Variants in PLXNA4 observed in about 807,000 individuals in gnomAD.
The protein encoded by PLXNA4 is plexin A4, also known as plexin-A4.
PLXNA4 carries 44 observed loss-of-function variants against 191.8 expected under a neutral mutation model. The observed-to-expected ratio is 0.23, with a 90% confidence interval of 0.18 to 0.29. PLXNA4 has a LOEUF of 0.29. Among genes scored for constraint, PLXNA4 ranks in the 10% least tolerant of loss-of-function variants. The pLI is 1.00. For synonymous variants in PLXNA4, 1,082 were observed against 1,009.5 expected, an observed-to-expected ratio of 1.07 and a Z score of -1.36; for missense variants, 1,800 against 2,488.8, an observed-to-expected ratio of 0.72 and a Z score of 5.89.
intron 2 of PLXNA4, among the ~76,000 whole-genome samples, chr7:132,490,708 G>A (rs1797763075): frequency 6.6e-6 from 1 of 152,102 alleles, no homozygotes; most frequent in Admixed American, 6.5e-5. Context: ...TTACGGGTGT[G>A]AGCCCTTGCA....
rs189847961 is a variant in PLXNA4 at position 132,607,273 on chromosome 7, A to G, written c.-87+38655T>C. Among the ~76,000 whole-genome samples, 3 of 152,286 alleles carry G rather than the reference A, an allele frequency of 2.0e-5. No individual in the cohort carries two copies. In the East Asian group the frequency reaches 5.8e-4, roughly 29 times the overall value. On this transcript the variant is annotated intron_variant, in intron 2 of 4. Coordinates refer to the PLXNA4 transcript ENST00000378539. ...GTTTCAAATTCTAGAGAAATTGCCA[A>G]TATGGCTCAAGTTGTCTAAGGAAAA... is the stretch of plus-strand genomic sequence containing the variant.
At chr7:132,141,316 T>C (rs1427297743) in intron 29 of PLXNA4, among the ~76,000 whole-genome samples, 1 of 152,204 alleles carries the variant, frequency 6.6e-6, no homozygotes, top group African/African-American at 2.4e-5. Flanking sequence ...CCTCTCAGCC[T>C]ACTCCTACTG....
At chr7:132,394,622 G>A (rs888571815) in intron 3 of PLXNA4, among the ~76,000 whole-genome samples, 1 of 152,160 alleles carries the variant, frequency 6.6e-6, no homozygotes, top group African/African-American at 2.4e-5. Context: ...CACCTCTCTG[G>A]GCTAAGATTA....
rs560273641 is a variant in PLXNA4 at position 132,290,852 on chromosome 7, C to T, written c.1503+7239G>A. 5.9e-5 allele frequency among the ~76,000 whole-genome samples: 9 copies of T among 152,308 alleles called. No homozygotes were observed. In the South Asian group the frequency reaches 1.9e-3, roughly 32 times the overall value. On this transcript the variant is annotated intron_variant, in intron 4 of 31. Transcript: ENST00000321063. ...GAACATGGCATTTGCTGCAAGAGCT[C>T]ACAGAGGGACCCACACGTCCATGAT... is the stretch of plus-strand genomic sequence containing the variant.
intron 3 of PLXNA4, among the ~76,000 whole-genome samples, chr7:132,331,688 T>C (rs1802596741): frequency 6.6e-6 from 1 of 152,214 alleles, no homozygotes; most frequent in African/African-American, 2.4e-5. Flanking sequence ...GCTATTGCTC[T>C]CGGGCTTTCC....
rs1389489392 is a variant in PLXNA4 at position 132,576,203 on chromosome 7, C to T, written c.-87+219G>A. Among the ~76,000 whole-genome samples the T allele has an allele frequency of 1.3e-5, 2 of 152,232 alleles. No individual in the cohort carries two copies. Among genetic ancestry groups the T allele is most frequent in the Non-Finnish European group, 2.9e-5 (2 of 68,036 alleles). Reference sequence around the variant, plus strand: ...GAACACACCCGGGAAATCCCTGCTCCGGCCGCTGCACCTCCGCGGGCGTCC... The same window carrying T: ...GAACACACCCGGGAAATCCCTGCTCTGGCCGCTGCACCTCCGCGGGCGTCC... On this transcript the variant is annotated intron_variant, in intron 1 of 31. Transcript: ENST00000321063. The surrounding 1 kb of genome is among the most constrained non-coding windows in gnomAD (Gnocchi z 5.8).
intron 2 of PLXNA4, among the ~76,000 whole-genome samples, chr7:132,599,269 T>G (rs567222147): frequency 1.3e-5 from 2 of 152,322 alleles, no homozygotes; most frequent in East Asian, 3.9e-4. Context: ...TTGAGCTCTG[T>G]AAATCAACTG....
intron 1 of PLXNA4, among the ~76,000 whole-genome samples, chr7:132,563,972 TCCTCCTCCTTCTCCTCCTCCTCCTTC>T (rs1801558434): frequency 8.7e-5 from 3 of 34,388 alleles, no homozygotes; most frequent in Non-Finnish European, 2.5e-4. Flanking sequence ...TTCTTTCTCC[TCCTCCTCCTTCTCCTCCTCCTCCTTC>T]TCCTCCTCCT....
chr7:132,646,237 G>A (rs1803863440), intron 1 of PLXNA4, among the ~76,000 whole-genome samples: 1 of 151,998 alleles, frequency 6.6e-6, no homozygotes. Flanking sequence ...GAAGAGCTAC[G>A]GACTCTCTCG....
chr7:132,379,287 C>T (rs1244529188), intron 3 of PLXNA4, among the ~76,000 whole-genome samples: 4 of 152,150 alleles, frequency 2.6e-5, no homozygotes, highest in Non-Finnish European at 4.4e-5. Flanking sequence ...GGAATGGGTA[C>T]ATTAGCATCC....
chr7:132,474,214 T>TCACACACACACA lies in PLXNA4; in HGVS notation c.1371+15066_1371+15077dup, dbSNP rs56832356. 6.7e-3 allele frequency among the ~76,000 whole-genome samples: 933 copies of TCACACACACACA among 140,278 alleles called. 7 individuals are homozygous for TCACACACACACA. Among genetic ancestry groups the TCACACACACACA allele is most frequent in the Middle Eastern group, 0.019 (5 of 266 alleles). The allele number at this position is 140,278 out of a possible 152,430, so 92.0% of individuals were successfully genotyped here. On this transcript the variant is annotated intron_variant, in intron 3 of 31. Transcript: ENST00000321063. ...TGAGCCAAGATCAGATCTCTCTGTC[T>TCACACACACACA]CACACACACACACACACACACACAC...
chr7:132,305,052 G>A (rs147877858), intron 3 of PLXNA4, among the ~76,000 whole-genome samples: 14 of 152,182 alleles, frequency 9.2e-5, no homozygotes, highest in East Asian at 1.9e-4. Flanking sequence ...ACCCCTGCTC[G>A]TGGGAGGGGA....
intron 4 of PLXNA4, among the ~76,000 whole-genome samples, chr7:132,242,795 A>C (rs1256439837): frequency 6.6e-6 from 1 of 152,080 alleles, no homozygotes; most frequent in East Asian, 1.9e-4. Flanking sequence ...CCTACATATG[A>C]CCTTCCTATC....
chr7:132,167,247 G>A (rs968223581), intron 22 of PLXNA4, among the ~76,000 whole-genome samples: 3 of 152,184 alleles, frequency 2.0e-5, no homozygotes, highest in East Asian at 1.9e-4. Flanking sequence ...CCTATAAGGC[G>A]AAAGTCATAG....
intron 3 of PLXNA4, among the ~76,000 whole-genome samples, chr7:132,475,498 C>T (rs995402510): frequency 2.0e-5 from 3 of 152,162 alleles, no homozygotes; most frequent in Admixed American, 1.3e-4. Flanking sequence ...CGCTCTGTCA[C>T]TGCATCCCCC....
chr7:132,518,651 G>A (rs1324200805), intron 1 of PLXNA4, among the ~76,000 whole-genome samples: 4 of 152,204 alleles, frequency 2.6e-5, no homozygotes, highest in Non-Finnish European at 5.9e-5. Context: ...CAGCTACGCG[G>A]GGCTCCCTTC....
intron 3 of PLXNA4, among the ~76,000 whole-genome samples, chr7:132,457,179 T>C (rs1280190818): frequency 6.6e-6 from 1 of 152,240 alleles, no homozygotes; most frequent in Non-Finnish European, 1.5e-5. Flanking sequence ...GGTACAATTA[T>C]TGAAACAAAA....
intron 3 of PLXNA4, among the ~76,000 whole-genome samples, chr7:132,307,189 C>A (rs1801556908): frequency 6.6e-6 from 1 of 152,114 alleles, no homozygotes; most frequent in East Asian, 1.9e-4. Flanking sequence ...AATAAGACTG[C>A]ACTCATAGAA....
intron 5 of PLXNA4, among the ~76,000 whole-genome samples, chr7:132,228,892 T>C (rs1218824773): frequency 4.6e-5 from 7 of 152,280 alleles, no homozygotes; most frequent in Non-Finnish European, 1.0e-4. Context: ...TTCCTTTTCC[T>C]CACTTCTCCA....
Sources: allele counts gnomAD v4.1 joint callset (sites outside exome capture counted in the v4.1 genomes callset), GRCh38; gene constraint gnomAD v4.1.1; non-coding constraint Gnocchi (gnomAD v3.1); transcripts MANE v1.5; gene names NCBI Gene and HGNC (gene_info 2026-07-23, HGNC 2026-07-21).